MAN1A1: variants seen among roughly 807,000 people sequenced by gnomAD.
The protein encoded by MAN1A1 is mannosyl-oligosaccharide 1,2-alpha-mannosidase IA.
In MAN1A1, 29 loss-of-function variants were observed where a neutral mutation model predicts 70.8. The ratio of observed to expected loss-of-function variants is 0.41; its 90% CI spans 0.31 to 0.56. The LOEUF is 0.56. MAN1A1 is among the 20% of genes least tolerant of loss of function. The pLI, the probability that MAN1A1 is intolerant of heterozygous loss-of-function variation, is 0.29. For synonymous variants in MAN1A1, 349 were observed against 330.1 expected (o/e 1.06, Z -0.62); for missense variants, 747 against 841.3 (o/e 0.89, Z 1.39).
At chr6:119,330,667 G>A (rs929688604) in intron 2 of MAN1A1, among the ~76,000 whole-genome samples, 1 of 152,098 alleles carries the variant, frequency 6.6e-6, no homozygotes, top group African/African-American at 2.4e-5. Context: ...CGCCTTCTCT[G>A]CTTCATTTCT....
chr6:119,188,769 C>T (rs914051212), intron 10 of MAN1A1, among the ~76,000 whole-genome samples, 192 bp from the exon 11 acceptor site: 4 of 152,170 alleles, frequency 2.6e-5, no homozygotes, highest in African/African-American at 9.7e-5. Flanking sequence ...TCGCATACAA[C>T]CTGGGTACAT....
chr6:119,222,802 G>A (rs945671082), intron 6 of MAN1A1, among the ~76,000 whole-genome samples: 1 of 152,180 alleles, frequency 6.6e-6, no homozygotes, highest in Admixed American at 6.5e-5. Context: ...GTGTTTGGGA[G>A]TGAGGAGGAG....
chr6:119,281,349 T>C (rs115482058), intron 5 of MAN1A1, among the ~76,000 whole-genome samples: 8,015 of 152,336 alleles, frequency 0.053, 242 homozygotes, highest in Middle Eastern at 0.082. Context: ...CCCAAGTCAG[T>C]GGTCGCTGTG....
At chr6:119,194,433 C>T (rs1032501406) in intron 8 of MAN1A1, among the ~76,000 whole-genome samples, 7 of 152,268 alleles carry the variant, frequency 4.6e-5, no homozygotes, top group African/African-American at 1.7e-4. Flanking sequence ...AAGTGATCCT[C>T]CTGCTTCAGC....
intron 5 of MAN1A1, among the ~76,000 whole-genome samples, chr6:119,280,017 T>C (rs1169669569): frequency 6.6e-6 from 1 of 152,246 alleles, no homozygotes; most frequent in African/African-American, 2.4e-5. Flanking sequence ...TTGGACTCTG[T>C]GATGTCACAT....
chr6:119,292,528 T>G lies in MAN1A1; in HGVS notation c.817-1765A>C, dbSNP rs80263409. On this transcript the variant is annotated intron_variant, in intron 4 of 12. Coordinates refer to ENST00000368468, the MANE Select transcript of MAN1A1 (RefSeq NM_005907.4). ...GAGTCTACATTTTAGTGGGATAAAA[T>G]ATTTCCAGAAAAAAAAGGAGGTATG... Among the ~76,000 whole-genome samples the G allele has an allele frequency of 5.9e-3, 895 of 152,012 alleles. 30 individuals are homozygous for G. The East Asian group carries it at 0.09, about 15-fold the overall frequency.
At chr6:119,319,262 G>A (rs1772936897) in intron 2 of MAN1A1, among the ~76,000 whole-genome samples, 2 of 151,802 alleles carry the variant, frequency 1.3e-5, no homozygotes, top group Admixed American at 1.3e-4. Flanking sequence ...TGTAAGTGAT[G>A]GCAAATATTT....
At position 119,189,635 on chromosome 6, in the gene MAN1A1, A is replaced by T. The variant is rs549493289; in HGVS notation, c.1546+29T>A. 2.9e-5 allele frequency: 47 copies of T among 1,601,450 alleles called. 3 individuals carry two copies. In the South Asian group the frequency reaches 5.2e-4, roughly 18 times the overall value. The stretch of plus-strand genomic sequence containing the variant: ...ATTAAATCAAAGCATGTGGGAATAG[A>T]CCATAAATGAAGAATAACATGTACT... On this transcript the variant is annotated intron_variant, in intron 10 of 12. Coordinates refer to ENST00000368468, the MANE Select transcript of MAN1A1 (RefSeq NM_005907.4).
At chr6:119,227,645 G>A (rs1438198323) in intron 6 of MAN1A1, among the ~76,000 whole-genome samples, 1 of 152,062 alleles carries the variant, frequency 6.6e-6, no homozygotes, top group African/African-American at 2.4e-5. Context: ...ATTTTTAAAT[G>A]TTTTATAGAG....
At chr6:119,201,395 T>C in intron 7 of MAN1A1, 48 bp from the exon 8 acceptor site, 1 of 1,221,970 alleles carries the variant, frequency 8.2e-7, no homozygotes, top group Non-Finnish European at 1.2e-6. Flanking sequence ...AAAACAATTT[T>C]CATGCCATTC....
chr6:119,266,331 T>C (rs746680371), intron 5 of MAN1A1, among the ~76,000 whole-genome samples: 3 of 152,158 alleles, frequency 2.0e-5, no homozygotes, highest in Non-Finnish European at 2.9e-5. Context: ...CAAGACTTTC[T>C]ATAGAGATAC....
intron 4 of MAN1A1, among the ~76,000 whole-genome samples, chr6:119,293,345 G>A (rs889899997): frequency 4.6e-5 from 7 of 152,004 alleles, no homozygotes; most frequent in Non-Finnish European, 7.4e-5. Context: ...ATCTTGTACT[G>A]TACGATATTG....
chr6:119,296,783 T>G (rs973969799), intron 4 of MAN1A1, among the ~76,000 whole-genome samples: 1 of 152,146 alleles, frequency 6.6e-6, no homozygotes, highest in Admixed American at 6.5e-5. Flanking sequence ...TCATTACAAC[T>G]AAAGGCATGA....
At position 119,242,598 on chromosome 6, in the gene MAN1A1, T is replaced by G. The variant is rs1367843332; in HGVS notation, c.992+5662A>C. ...CATATACCATATTCATATATACTCT[T>G]TCATAATGAAATATTGAGAATAGAA... On this transcript the variant is annotated intron_variant, in intron 6 of 12. Transcript: ENST00000368468. 2.6e-5 allele frequency among the ~76,000 whole-genome samples: 4 copies of G among 152,150 alleles called. 1 individual carries two copies. Among genetic ancestry groups the G allele is most frequent in the Non-Finnish European group, 5.9e-5 (4 of 68,006 alleles).
intron 4 of MAN1A1, among the ~76,000 whole-genome samples, chr6:119,294,149 T>G (rs1772132568): frequency 6.6e-6 from 1 of 152,124 alleles, no homozygotes; most frequent in Admixed American, 6.6e-5. Flanking sequence ...TTAAAAATCC[T>G]CTTTTGAAAT....
At chr6:119,305,103 C>T (rs1772492362) in intron 3 of MAN1A1, among the ~76,000 whole-genome samples, 1 of 152,100 alleles carries the variant, frequency 6.6e-6, no homozygotes, top group East Asian at 1.9e-4. Context: ...TTTCCTTATG[C>T]TAATACCTGA....
intron 5 of MAN1A1, among the ~76,000 whole-genome samples, chr6:119,257,753 C>G (rs1203422674): frequency 6.6e-6 from 1 of 152,090 alleles, no homozygotes; most frequent in East Asian, 1.9e-4. Context: ...GTGCTTCAAA[C>G]TATTCTTAAG....
intron 2 of MAN1A1, among the ~76,000 whole-genome samples, chr6:119,325,076 C>T (rs186044402): frequency 5.8e-4 from 89 of 152,296 alleles, no homozygotes; most frequent in Non-Finnish European, 1.1e-3. Flanking sequence ...CTAAGACTCA[C>T]ACAGCACTAT....
At chr6:119,226,723 T>C (rs1774525454) in intron 6 of MAN1A1, among the ~76,000 whole-genome samples, 1 of 152,194 alleles carries the variant, frequency 6.6e-6, no homozygotes, top group Non-Finnish European at 1.5e-5. Flanking sequence ...CAGGCTGGAG[T>C]GCAGTGGCGC....
Sources: allele counts gnomAD v4.1 joint callset (sites outside exome capture counted in the v4.1 genomes callset), GRCh38; gene constraint gnomAD v4.1.1; transcripts MANE v1.5; gene names NCBI Gene and HGNC (gene_info 2026-07-23, HGNC 2026-07-21).